Variants in PPFIA2 observed in about 807,000 individuals in gnomAD.
PPFIA2 encodes the protein PPFI scaffold protein A2.
PPFIA2 carries 46 observed loss-of-function variants against 175.5 expected under a neutral mutation model. That is an observed-to-expected ratio of 0.26 (90% CI 0.21 to 0.34). The LOEUF (loss-of-function observed/expected upper bound fraction) is 0.34. Ranked by LOEUF, PPFIA2 falls within the 10% of genes least tolerant of loss-of-function variation. The pLI is 1.00. For missense variants in PPFIA2, 1,179 were observed against 1,506.1 expected, an observed-to-expected ratio of 0.78 and a Z score of 3.60; for synonymous variants, 568 against 511.4, an observed-to-expected ratio of 1.11 and a Z score of -1.49.
intron 4 of PPFIA2, among the ~76,000 whole-genome samples, chr12:81,603,825 T>TAAAAAAAA (rs60363527): frequency 9.7e-6 from 1 of 103,336 alleles, no homozygotes; most frequent in Non-Finnish European, 2.0e-5. Flanking sequence ...CTATTCTGAC[T>TAAAAAAAA]AAAAAAAAAA....
intron 7 of PPFIA2, among the ~76,000 whole-genome samples, chr12:81,407,424 A>G (rs1380518556): frequency 6.6e-6 from 1 of 151,892 alleles, no homozygotes; most frequent in African/African-American, 2.4e-5. Flanking sequence ...CGGAGATTGC[A>G]GTGAGCTGAG....
intron 22 of PPFIA2, among the ~76,000 whole-genome samples, chr12:81,320,826 A>T (rs576674525): frequency 7.2e-4 from 110 of 152,178 alleles, no homozygotes; most frequent in African/African-American, 2.5e-3. Flanking sequence ...TACTGTTGAA[A>T]CAGACATCCT....
chr12:81,297,053 A>C (rs959578490), intron 23 of PPFIA2, among the ~76,000 whole-genome samples: 2 of 152,202 alleles, frequency 1.3e-5, no homozygotes, highest in African/African-American at 4.8e-5. Flanking sequence ...GGAGTAAGTC[A>C]GATCTCAGGA....
intron 4 of PPFIA2, among the ~76,000 whole-genome samples, chr12:81,631,679 A>T (rs947535264): frequency 2.6e-5 from 4 of 152,208 alleles, no homozygotes; most frequent in African/African-American, 7.2e-5. Flanking sequence ...GTTGCAACAT[A>T]ATTTCCACAG....
At chr12:81,468,859 T>C (rs1164788384) in intron 4 of PPFIA2, among the ~76,000 whole-genome samples, 3 of 150,526 alleles carry the variant, frequency 2.0e-5, no homozygotes, top group African/African-American at 4.9e-5. Context: ...TGTTATAATA[T>C]GTTATATCAA....
chr12:81,551,184 G>T (rs2067856752), intron 4 of PPFIA2, among the ~76,000 whole-genome samples: 1 of 151,932 alleles, frequency 6.6e-6, no homozygotes, highest in Non-Finnish European at 1.5e-5. Context: ...GACTTACTTA[G>T]CATGTAGCAG....
chr12:81,469,914 T>C (rs1431836335), intron 4 of PPFIA2, among the ~76,000 whole-genome samples: 1 of 152,210 alleles, frequency 6.6e-6, no homozygotes, highest in Non-Finnish European at 1.5e-5. Flanking sequence ...CTCTCTGCTA[T>C]GTGAGGGCAC....
chr12:81,267,223 TAG>T (rs2037529256), intron 29 of PPFIA2: 1 of 575,256 alleles, frequency 1.7e-6, no homozygotes, highest in Non-Finnish European at 3.2e-6. Context: ...CTGTGAACAG[TAG>T]AGAGACAGTC....
chr12:81,310,489 G>A (rs1470524601), intron 22 of PPFIA2, among the ~76,000 whole-genome samples: 2 of 152,056 alleles, frequency 1.3e-5, no homozygotes, highest in African/African-American at 4.8e-5. Flanking sequence ...TAATAAGAAT[G>A]CATCATTCAT....
chr12:81,278,646 A>T, intron 27 of PPFIA2, among the ~76,000 whole-genome samples: 1 of 152,186 alleles, frequency 6.6e-6, no homozygotes, highest in East Asian at 1.9e-4. Flanking sequence ...TTCAGGGTTC[A>T]GTTCTGCCAA....
chr12:81,499,093 T>A (rs1594053842), intron 4 of PPFIA2, among the ~76,000 whole-genome samples: 2 of 152,366 alleles, frequency 1.3e-5, no homozygotes, highest in East Asian at 3.9e-4. Flanking sequence ...AGAATGTCAA[T>A]ACTTCTGCCA....
At chr12:81,564,105 C>T (rs2070791719) in intron 4 of PPFIA2, among the ~76,000 whole-genome samples, 1 of 152,046 alleles carries the variant, frequency 6.6e-6, no homozygotes. Context: ...ACTCATTTTG[C>T]AAAATAGACA....
intron 4 of PPFIA2, among the ~76,000 whole-genome samples, chr12:81,481,610 G>A (rs566764792): frequency 6.6e-6 from 1 of 152,188 alleles, no homozygotes; most frequent in South Asian, 2.1e-4. Flanking sequence ...TCTGATCTTT[G>A]ACAAACCTGA....
At chr12:81,280,888 G>A (rs1037087789) in intron 27 of PPFIA2, among the ~76,000 whole-genome samples, 3 of 147,096 alleles carry the variant, frequency 2.0e-5, no homozygotes, top group Admixed American at 1.4e-4. Flanking sequence ...CCACATATTT[G>A]TGTAGAGTTG....
At chr12:81,322,028 G>C (rs563302091) in intron 22 of PPFIA2, among the ~76,000 whole-genome samples, 1 of 152,068 alleles carries the variant, frequency 6.6e-6, no homozygotes, top group Non-Finnish European at 1.5e-5. Context: ...TAAAAACAGG[G>C]TCTCACTCTG....
chr12:81,274,505 C>A (rs2039995816), intron 28 of PPFIA2, among the ~76,000 whole-genome samples: 1 of 151,694 alleles, frequency 6.6e-6, no homozygotes, highest in African/African-American at 2.4e-5. Flanking sequence ...CTCCTCAGAA[C>A]AAAATACTTC....
rs141932016 is a variant in PPFIA2, at chr12:81,753,079, C to T, written c.249+894G>A. Among the ~76,000 whole-genome samples, 1,211 of 151,980 alleles carry T rather than the reference C, an allele frequency of 8.0e-3. 9 individuals carry two copies. Among genetic ancestry groups the T allele is most frequent in the African/African-American group, 0.027 (1,127 of 41,484 alleles). On this transcript the variant is annotated intron_variant, in intron 3 of 32. Coordinates refer to ENST00000549396, the MANE Select transcript of PPFIA2 (RefSeq NM_003625.5). ...CCTCCCCAGTAGCTGGGACTACAGG[C>T]GCATGGCACCACACCCAGCTAATTT... is the stretch of plus-strand genomic sequence containing the variant.
intron 4 of PPFIA2, among the ~76,000 whole-genome samples, chr12:81,568,435 G>C (rs1360230912): frequency 6.6e-6 from 1 of 152,172 alleles, no homozygotes; most frequent in East Asian, 1.9e-4. Flanking sequence ...GCCATTGCCA[G>C]TTAGACTTTC....
At chr12:81,339,057 T>C in intron 21 of PPFIA2, 123 bp downstream of exon 21, 1 of 925,478 alleles carries the variant, frequency 1.1e-6, no homozygotes, top group Non-Finnish European at 1.5e-6. Context: ...AAAATATAAA[T>C]TTTGTCAGGT....
Sources: gnomAD v4.1 joint callset for allele counts (sites outside exome capture counted in the v4.1 genomes callset) on GRCh38, gnomAD v4.1.1 for gene constraint, MANE v1.5 for transcripts, NCBI Gene and HGNC (gene_info 2026-07-23, HGNC 2026-07-21) for gene names.